Variants in SBK1 observed in about 807,000 individuals in gnomAD.
The protein encoded by SBK1 is serine/threonine-protein kinase SBK1.
In SBK1, 11 loss-of-function variants were observed where a neutral mutation model predicts 24.4. The observed-to-expected ratio is 0.45, with a 90% CI of 0.28 to 0.75. SBK1 has a LOEUF of 0.75. Among genes scored for constraint, SBK1 ranks in the 30% least tolerant of loss-of-function variants. The pLI, the probability that SBK1 is intolerant of heterozygous loss-of-function variation, is 0.12. For missense variants in SBK1, 467 were observed against 620.5 expected, an observed-to-expected ratio of 0.75 and a Z score of 2.63; for synonymous variants, 308 against 284.4, an observed-to-expected ratio of 1.08 and a Z score of -0.83.
chr16:28,265,799 C>A (rs1207361846), intron 1 of SBK1, among the ~76,000 whole-genome samples: 1 of 151,420 alleles, frequency 6.6e-6, no homozygotes, highest in Non-Finnish European at 1.5e-5. Context: ...CATGATGAAA[C>A]CCTATCTCTA....
intron 1 of SBK1, among the ~76,000 whole-genome samples, chr16:28,268,944 G>T (rs528450822): frequency 6.6e-6 from 1 of 152,036 alleles, no homozygotes; most frequent in South Asian, 2.1e-4. Flanking sequence ...CTTAGTTTTG[G>T]CTCAACTGCT....
intron 1 of SBK1, among the ~76,000 whole-genome samples, chr16:28,315,434 C>T (rs560371381): frequency 2.9e-4 from 44 of 152,202 alleles, no homozygotes; most frequent in East Asian, 1.2e-3. Flanking sequence ...ATGAAGGCCA[C>T]GGATGGAGAG....
chr16:28,275,091 C>A (rs1426760514), intron 1 of SBK1, among the ~76,000 whole-genome samples: 1 of 152,022 alleles, frequency 6.6e-6, no homozygotes, highest in Non-Finnish European at 1.5e-5. Flanking sequence ...TTTGGGAGGC[C>A]GAGGCAGGAG....
In SBK1 at chr16:28,320,883, C is replaced by T; in HGVS notation, c.1237C>T (p.Gln413Ter). ...CGGCCGCGCGGACAAGAGCAAAGGGCAGGTGGTGCTGGCCACGGCCATCGA... is the reference window on the plus strand; with the variant it reads ...CGGCCGCGCGGACAAGAGCAAAGGGTAGGTGGTGCTGGCCACGGCCATCGA... ...TDGRADKSKG[Q>*]VVLATAIEIC... Residue 413 changes from glutamine (Q) to a stop codon, truncating the protein, a stop_gained, in exon 4 of 4, where the codon CAG (glutamine) becomes TAG (stop). Transcript: ENST00000341901. LOFTEE classifies it high-confidence loss of function. The surrounding 1 kb of genome is among the most constrained non-coding windows in gnomAD (Gnocchi z 8.5). 6.6e-7 allele frequency: 1 copy of T among 1,504,604 alleles called. No homozygotes were observed. Among genetic ancestry groups the T allele is most frequent in the Non-Finnish European group, 8.8e-7 (1 of 1,131,804 alleles). The allele number at this position is 1,504,604 out of a possible 1,614,324, so 93.2% of individuals were successfully genotyped here.
Position 28,320,802 on chromosome 16 carries a change from C to T in SBK1, c.1156C>T (p.Pro386Ser), listed in dbSNP as rs1455331286. 7.0e-7 allele frequency: 1 copy of T among 1,438,290 alleles called. No individual in the cohort carries two copies. The highest frequency in any genetic ancestry group is 2.3e-5 in the Admixed American group (1 of 43,530). The allele number at this position is 1,438,290 out of a possible 1,614,324, so 89.1% of individuals were successfully genotyped here. A position where few individuals can be genotyped will look rare whatever the true frequency, so the allele number is the denominator to read the frequency against. Residue 386 changes from proline to serine, a missense_variant, in exon 4 of 4, where the codon CCG (proline) becomes TCG (serine). Physicochemically the swap from Pro to Ser is moderately conservative, Grantham distance 74. Around this residue, in one of 4 missense-constraint regions of SBK1, gnomAD observed 166 missense variants for 146.8 expected, o/e 1.13. Coordinates refer to ENST00000341901, the MANE Select transcript of SBK1 (RefSeq NM_001024401.3). The surrounding 1 kb of genome is among the most constrained non-coding windows in gnomAD (Gnocchi z 8.5). ...PVPVPVPVPVPVPVPEPGLAP... is the reference protein window; with the variant it reads ...PVPVPVPVPVSVPVPEPGLAP... ...GCCGGTGCCGGTGCCAGTGCCCGTG[C>T]CGGTGCCTGTGCCCGAGCCCGGCCT... is the stretch of plus-strand genomic sequence containing the variant.
At chr16:28,308,681 G>A (rs2044733010) in intron 1 of SBK1, among the ~76,000 whole-genome samples, 1 of 150,948 alleles carries the variant, frequency 6.6e-6, no homozygotes, top group African/African-American at 2.4e-5. Context: ...ACCTGCCTTG[G>A]CCTCCCAATC....
intron 1 of SBK1, among the ~76,000 whole-genome samples, chr16:28,304,601 T>A (rs558885016): frequency 1.8e-4 from 27 of 152,156 alleles, no homozygotes; most frequent in Non-Finnish European, 3.8e-4. Flanking sequence ...AATTTTTTTG[T>A]TTGTTTGTTT....
intron 1 of SBK1, among the ~76,000 whole-genome samples, chr16:28,312,232 AG>A (rs928913909): frequency 2.6e-5 from 4 of 152,190 alleles, no homozygotes; most frequent in African/African-American, 9.6e-5. Context: ...CCACACAGAA[AG>A]GGCCCAAGGA....
intron 1 of SBK1, among the ~76,000 whole-genome samples, chr16:28,266,584 A>C (rs1280407647): frequency 1.3e-5 from 2 of 152,024 alleles, no homozygotes; most frequent in East Asian, 3.9e-4. Context: ...CTCTTCCTGG[A>C]AGGGCTTTCT....
chr16:28,282,678 T>C (rs934295108), intron 1 of SBK1, among the ~76,000 whole-genome samples: 2 of 114,568 alleles, frequency 1.7e-5, no homozygotes, highest in African/African-American at 5.9e-5. Flanking sequence ...TTCCTGGAGC[T>C]TGGAGGGAAA....
intron 1 of SBK1, among the ~76,000 whole-genome samples, chr16:28,281,336 G>C (rs2044532207): frequency 6.6e-6 from 1 of 152,148 alleles, no homozygotes; most frequent in African/African-American, 2.4e-5. Flanking sequence ...GCTCAGCCAA[G>C]CCTCCCTCAG....
chr16:28,304,043 A>C (rs533475909), intron 1 of SBK1, among the ~76,000 whole-genome samples: 2 of 152,236 alleles, frequency 1.3e-5, no homozygotes, highest in East Asian at 3.9e-4. Context: ...CTCACCCTCT[A>C]ACCTAGCAAG....
chr16:28,317,108 T>A lies in SBK1; in HGVS notation c.-7-277T>A, dbSNP rs998445270. ...GTGTGACATAAACAGGGGCCTTGCC[T>A]GACACTGTGTGTGGGTGGCAGCATG... On this transcript the variant is annotated intron_variant, in intron 1 of 3. Transcript: ENST00000341901. This position sits in a 1 kb window ranked among gnomAD's most constrained non-coding sequence, Gnocchi z 4.2. Among the ~76,000 whole-genome samples the A allele has an allele frequency of 6.6e-6, 1 of 152,232 alleles. No individual in the cohort carries two copies. The highest frequency in any genetic ancestry group is 2.4e-5 in the African/African-American group (1 of 41,470).
In SBK1 at chr16:28,319,295, C is replaced by A. The variant is rs574572838; in HGVS notation, c.429+98C>A. ...AGACCATTTAATTAACAAGTATTTA[C>A]TGGGTGCCTGCTGTATGTCAGTTAC... On this transcript the variant is annotated intron_variant, in intron 3 of 3. Coordinates refer to ENST00000341901, the MANE Select transcript of SBK1 (RefSeq NM_001024401.3). The surrounding 1 kb of genome is among the most constrained non-coding windows in gnomAD (Gnocchi z 4.0). 7.5e-5 allele frequency: 67 copies of A among 896,148 alleles called. No individual in the cohort carries two copies. The highest frequency in any genetic ancestry group is 1.1e-4 in the Non-Finnish European group (61 of 558,516). The allele number at this position is 896,148 out of a possible 1,614,324, so 55.5% of individuals were successfully genotyped here.
intron 1 of SBK1, among the ~76,000 whole-genome samples, chr16:28,280,190 T>C (rs2044524234): frequency 7.6e-6 from 1 of 131,164 alleles, no homozygotes; most frequent in Non-Finnish European, 1.6e-5. Flanking sequence ...TATACATATA[T>C]ATGTACATAT....
At position 28,317,529 on chromosome 16, in the gene SBK1, C is replaced by T; in HGVS notation, c.138C>T (p.Ala46=). Residue 46 remains alanine, a synonymous_variant, in exon 2 of 4, where the codon GCC becomes GCT. Transcript: ENST00000341901. The surrounding 1 kb of genome is among the most constrained non-coding windows in gnomAD (Gnocchi z 4.2). ...MQALTLRTLA[A]SDVTKHYELV... ...CCCTGACTCTCCGCACACTGGCCGC[C>T]AGCGACGTCACCAAGCACTACGAAC... The T allele has an allele frequency of 6.2e-7, 1 of 1,614,198 alleles. No homozygotes were observed. The highest frequency in any genetic ancestry group is 8.5e-7 in the Non-Finnish European group (1 of 1,180,040).
At chr16:28,279,644 A>G (rs1156514828) in intron 1 of SBK1, among the ~76,000 whole-genome samples, 1 of 152,112 alleles carries the variant, frequency 6.6e-6, no homozygotes, top group Non-Finnish European at 1.5e-5. Context: ...GAGAAACAGG[A>G]CAAGCAAGAC....
chr16:28,312,006 G>T (rs1053582747), intron 1 of SBK1, among the ~76,000 whole-genome samples: 1 of 152,264 alleles, frequency 6.6e-6, no homozygotes, highest in African/African-American at 2.4e-5. Flanking sequence ...AGGTGGCCTT[G>T]CAGGGCCAAA....
At chr16:28,310,626 T>G (rs996307653) in intron 1 of SBK1, among the ~76,000 whole-genome samples, 1 of 152,150 alleles carries the variant, frequency 6.6e-6, no homozygotes. Context: ...GGAGGACTAC[T>G]TGAGGCCAAG....
Sources: gnomAD v4.1 joint callset for allele counts (sites outside exome capture counted in the v4.1 genomes callset) on GRCh38, gnomAD v4.1.1 for gene constraint, gnomAD v4.1.1 regional missense constraint, Gnocchi (gnomAD v3.1) non-coding constraint, MANE v1.5 for transcripts, NCBI Gene and HGNC (gene_info 2026-07-23, HGNC 2026-07-21) for gene names.